The following SPAG16 variants were observed in gnomAD, a reference collection of about 807,000 sequenced individuals.
SPAG16 encodes sperm-associated antigen 16 protein.
A neutral mutation model predicts 80.4 loss-of-function variants in SPAG16; 86 were observed. The observed-to-expected ratio is 1.07, with a 90% CI of 0.90 to 1.28. SPAG16 has a LOEUF of 1.28. Ranked by LOEUF, SPAG16 falls within the 50% of genes most tolerant of loss-of-function variation. The probability of loss-of-function intolerance (pLI) is 0.00; values close to 1 mark genes in which losing one functional copy is unlikely to be tolerated. For missense variants in SPAG16, 870 were observed against 765.3 expected (o/e 1.14, Z -1.61); for synonymous variants, 294 against 265.9 (o/e 1.11, Z -1.03).
At chr2:214,194,233 A>G (rs1244001651) in intron 15 of SPAG16, among the ~76,000 whole-genome samples, 1 of 152,080 alleles carries the variant, frequency 6.6e-6, no homozygotes, top group Non-Finnish European at 1.5e-5. Context: ...GTCTTGATTA[A>G]AGACAAAATA....
At chr2:213,947,098 T>G (rs140247635) in intron 12 of SPAG16, among the ~76,000 whole-genome samples, 63 of 152,292 alleles carry the variant, frequency 4.1e-4, no homozygotes, top group African/African-American at 1.4e-3. Flanking sequence ...ATTCACTCCT[T>G]GAAGGATATC....
intron 12 of SPAG16, among the ~76,000 whole-genome samples, chr2:214,004,480 A>G (rs977105287): frequency 3.3e-5 from 5 of 152,180 alleles, no homozygotes; most frequent in African/African-American, 1.2e-4. Context: ...CCTTAATTGT[A>G]GGAGACACAT....
chr2:213,419,689 G>C (rs339812), intron 9 of SPAG16, among the ~76,000 whole-genome samples: 1 of 152,062 alleles, frequency 6.6e-6, no homozygotes, highest in Non-Finnish European at 1.5e-5. Context: ...TCTTTGAAAA[G>C]AATTCACATT....
chr2:214,350,511 C>A (rs910158211), intron 15 of SPAG16, among the ~76,000 whole-genome samples: 1 of 152,142 alleles, frequency 6.6e-6, no homozygotes, highest in Non-Finnish European at 1.5e-5. Context: ...ATGTAAGAGA[C>A]ACAGGATTAT....
At chr2:214,028,168 A>C (rs929772855) in intron 13 of SPAG16, among the ~76,000 whole-genome samples, 1 of 151,832 alleles carries the variant, frequency 6.6e-6, no homozygotes, top group East Asian at 1.9e-4. Context: ...CCTTTTCCGT[A>C]TTTTCTGTAT....
chr2:214,073,487 G>A (rs867254608), intron 13 of SPAG16, among the ~76,000 whole-genome samples: 4 of 151,966 alleles, frequency 2.6e-5, no homozygotes, highest in East Asian at 3.9e-4. Context: ...CACCTGCCCC[G>A]GCCTTCCAAA....
chr2:214,265,822 T>C (rs12463525), intron 15 of SPAG16, among the ~76,000 whole-genome samples: 6,942 of 152,092 alleles, frequency 0.046, 421 homozygotes, highest in East Asian at 0.16. Flanking sequence ...TATTCTGATT[T>C]TAATGTTAAG....
intron 5 of SPAG16, among the ~76,000 whole-genome samples, chr2:213,338,302 C>T (rs113330801): frequency 0.14 from 21,701 of 152,072 alleles, 2,114 homozygotes; most frequent in South Asian, 0.27. Context: ...GAGGCAACTA[C>T]GCAAACAAGT....
At chr2:213,471,300 A>G (rs2073063071) in intron 9 of SPAG16, among the ~76,000 whole-genome samples, 1 of 152,136 alleles carries the variant, frequency 6.6e-6, no homozygotes, top group African/African-American at 2.4e-5. Flanking sequence ...CAAGTAACTT[A>G]CTTTTGCCTT....
At chr2:213,692,418 GA>G (rs2064979541) in intron 10 of SPAG16, among the ~76,000 whole-genome samples, 1 of 152,074 alleles carries the variant, frequency 6.6e-6, no homozygotes. Flanking sequence ...AATATATTAA[GA>G]AAAAGCAGAG....
At chr2:213,368,319 G>T (rs1249753635) in intron 8 of SPAG16, among the ~76,000 whole-genome samples, 2 of 152,122 alleles carry the variant, frequency 1.3e-5, no homozygotes, top group African/African-American at 4.8e-5. Flanking sequence ...TTCCAGTTCT[G>T]TGAAGAATGT....
At chr2:213,994,084 C>T (rs1316413790) in intron 12 of SPAG16, among the ~76,000 whole-genome samples, 4 of 151,824 alleles carry the variant, frequency 2.6e-5, no homozygotes, top group South Asian at 2.1e-4. Context: ...TAGTGTGATA[C>T]GATGTTATAA....
intron 10 of SPAG16, among the ~76,000 whole-genome samples, chr2:213,611,313 C>A (rs891440692): frequency 6.6e-6 from 1 of 152,054 alleles, no homozygotes; most frequent in Non-Finnish European, 1.5e-5. Context: ...AAATAAAAGT[C>A]AAAAACATTG....
chr2:214,255,950 T>G (rs1690656396), intron 15 of SPAG16, among the ~76,000 whole-genome samples: 1 of 151,938 alleles, frequency 6.6e-6, no homozygotes, highest in African/African-American at 2.4e-5. Context: ...CTCATGAAAG[T>G]GTTTTCATTT....
At chr2:213,868,813 T>G (rs2075812011) in intron 11 of SPAG16, among the ~76,000 whole-genome samples, 1 of 152,198 alleles carries the variant, frequency 6.6e-6, no homozygotes, top group Admixed American at 6.5e-5. Flanking sequence ...AGGAGCTGAT[T>G]CATGAATTGT....
At position 213,583,776 on chromosome 2, in the gene SPAG16, A is replaced by C. The variant is rs1168670615; in HGVS notation, c.1070+93686A>C. ...CATTATGATATCTTGACTACTTTTT[A>C]AAATAATATAATTGACAATGAAAGA... On this transcript the variant is annotated intron_variant, in intron 10 of 15. Transcript: ENST00000331683. 3.3e-5 allele frequency among the ~76,000 whole-genome samples: 5 copies of C among 152,332 alleles called. No homozygotes were observed. The East Asian group carries it at 9.6e-4, about 29-fold the overall frequency.
At chr2:214,230,814 T>C (rs1208610983) in intron 15 of SPAG16, among the ~76,000 whole-genome samples, 4 of 151,626 alleles carry the variant, frequency 2.6e-5, no homozygotes, top group African/African-American at 9.7e-5. Context: ...TGAGGAGGGG[T>C]CATTACAGAA....
chr2:213,986,933 A>T (rs927743591), intron 12 of SPAG16, among the ~76,000 whole-genome samples: 22 of 149,550 alleles, frequency 1.5e-4, no homozygotes, highest in Non-Finnish European at 3.0e-4. Context: ...AGAAACTATC[A>T]TATGTGTTTT....
At chr2:214,268,918 T>C (rs544859438) in intron 15 of SPAG16, among the ~76,000 whole-genome samples, 2 of 152,142 alleles carry the variant, frequency 1.3e-5, no homozygotes, top group Admixed American at 1.3e-4. Context: ...CAGAGATGGC[T>C]GCATGTAAAT....
Sources: allele counts gnomAD v4.1 joint callset (sites outside exome capture counted in the v4.1 genomes callset), GRCh38; gene constraint gnomAD v4.1.1; transcripts MANE v1.5; gene names NCBI Gene and HGNC (gene_info 2026-07-23, HGNC 2026-07-21).